Variants in DPP10 observed in about 807,000 individuals in gnomAD.
DPP10 encodes inactive dipeptidyl peptidase 10.
DPP10 carries 33 observed loss-of-function variants against 120.9 expected under a neutral mutation model. The observed-to-expected ratio is 0.27, with a 90% CI of 0.21 to 0.37. DPP10 has a LOEUF of 0.37. Ranked by LOEUF, DPP10 falls within the 10% of genes least tolerant of loss-of-function variation. DPP10 has a pLI of 1.00. For missense variants in DPP10, 816 were observed against 942.8 expected (o/e 0.87, Z 1.76); for synonymous variants, 337 against 326.1 (o/e 1.03, Z -0.36).
rs188138188 is a variant in DPP10, at chr2:115,652,947, C to T, written c.442-36740C>T. On this transcript the variant is annotated intron_variant, in intron 5 of 25. Transcript: ENST00000410059. ...AACTAACCATCACAATTCATTATGG[C>T]AATTTCAAAGAAGGAAAACATTGGC... 5.9e-5 allele frequency among the ~76,000 whole-genome samples: 9 copies of T among 151,990 alleles called. No homozygotes were observed. The East Asian group carries it at 1.5e-3, about 26-fold the overall frequency.
intron 5 of DPP10, among the ~76,000 whole-genome samples, chr2:115,630,180 G>A (rs967977759): frequency 3.9e-5 from 6 of 152,132 alleles, no homozygotes; most frequent in Admixed American, 3.9e-4. Context: ...GTGAATGGGA[G>A]TTCATTTATG....
At chr2:115,754,255 C>T (rs1352181250) in intron 11 of DPP10, among the ~76,000 whole-genome samples, 3 of 152,012 alleles carry the variant, frequency 2.0e-5, no homozygotes, top group African/African-American at 4.8e-5. Context: ...GGACAGGGAC[C>T]AGAGAAGTTG....
intron 1 of DPP10, among the ~76,000 whole-genome samples, chr2:114,592,658 TC>T (rs1558913789): frequency 6.6e-6 from 1 of 151,624 alleles, no homozygotes; most frequent in African/African-American, 2.4e-5. Flanking sequence ...AAATAACTCT[TC>T]CCCCTGAAAA....
intron 1 of DPP10, among the ~76,000 whole-genome samples, chr2:114,679,827 A>G (rs1698906779): frequency 1.3e-5 from 2 of 152,020 alleles, no homozygotes; most frequent in African/African-American, 4.8e-5. Flanking sequence ...TTAAGAATTG[A>G]GATGGCAAAC....
chr2:115,146,262 T>C (rs940916734), intron 1 of DPP10, among the ~76,000 whole-genome samples: 1 of 152,058 alleles, frequency 6.6e-6, no homozygotes, highest in Non-Finnish European at 1.5e-5. Context: ...TTGTAAAATA[T>C]TGCATTAGAA....
At chr2:114,618,622 ATAC>A (rs1006635798) in intron 1 of DPP10, among the ~76,000 whole-genome samples, 1 of 152,040 alleles carries the variant, frequency 6.6e-6, no homozygotes, top group African/African-American at 2.4e-5. Flanking sequence ...TTAAATAATA[ATAC>A]TAATAATAGT....
In DPP10 at chr2:114,797,860, G is replaced by A. The variant is rs542616709; in HGVS notation, c.60+355022G>A. Among the ~76,000 whole-genome samples the A allele has an allele frequency of 5.3e-5, 8 of 152,244 alleles. No homozygotes were observed. The South Asian group carries it at 1.7e-3, about 32-fold the overall frequency. On this transcript the variant is annotated intron_variant, in intron 1 of 25. Transcript: ENST00000410059. ...TAGTGACTCGTTGTCAAAGAATATA[G>A]TAAGAAAGGGGGAGAAAGGGTATTT...
intron 1 of DPP10, among the ~76,000 whole-genome samples, chr2:115,286,541 A>ATATATATATATATATATATAT (rs2060410573): frequency 2.9e-5 from 3 of 102,044 alleles, no homozygotes; most frequent in Non-Finnish European, 6.1e-5. Flanking sequence ...ATATATATAT[A>ATATATATATATATATATATAT]AAATATATAC....
chr2:114,799,425 G>A (rs1684001004), intron 1 of DPP10, among the ~76,000 whole-genome samples: 1 of 152,084 alleles, frequency 6.6e-6, no homozygotes, highest in South Asian at 2.1e-4. Flanking sequence ...ATCACCACCA[G>A]GTGTACAGTA....
intron 1 of DPP10, among the ~76,000 whole-genome samples, chr2:114,926,739 C>G (rs1025698128): frequency 3.9e-5 from 6 of 152,136 alleles, no homozygotes; most frequent in Non-Finnish European, 8.8e-5. Context: ...AACCCTTGAA[C>G]AGCCAGGTCA....
At chr2:114,536,594 A>G (rs964290216) in intron 1 of DPP10, among the ~76,000 whole-genome samples, 45 of 151,406 alleles carry the variant, frequency 3.0e-4, no homozygotes, top group African/African-American at 1.0e-3. Context: ...TTTAGTAGAG[A>G]CAGGTTTTCA....
chr2:114,963,975 A>T (rs1652252683), intron 1 of DPP10, among the ~76,000 whole-genome samples: 1 of 152,188 alleles, frequency 6.6e-6, no homozygotes, highest in Non-Finnish European at 1.5e-5. Flanking sequence ...TTCCATGGGG[A>T]TAGAAGGAGT....
intron 1 of DPP10, among the ~76,000 whole-genome samples, chr2:114,790,754 A>T (rs1443549084): frequency 6.6e-6 from 1 of 152,198 alleles, no homozygotes; most frequent in African/African-American, 2.4e-5. Context: ...GTCATCAGTT[A>T]AGGCAAGGAC....
intron 13 of DPP10, among the ~76,000 whole-genome samples, chr2:115,769,618 A>T (rs531449828): frequency 6.6e-6 from 1 of 152,094 alleles, no homozygotes; most frequent in Non-Finnish European, 1.5e-5. Flanking sequence ...CTAATGTATA[A>T]TGTGATCCTA....
At chr2:115,594,583 T>C (rs1473928532) in intron 5 of DPP10, among the ~76,000 whole-genome samples, 3 of 152,156 alleles carry the variant, frequency 2.0e-5, no homozygotes, top group Non-Finnish European at 4.4e-5. Flanking sequence ...CCAGTGAAAG[T>C]TCTGGAAGTT....
At chr2:115,295,103 C>T (rs1221121716) in intron 1 of DPP10, among the ~76,000 whole-genome samples, 1 of 152,070 alleles carries the variant, frequency 6.6e-6, no homozygotes, top group Non-Finnish European at 1.5e-5. Flanking sequence ...TTATTTTTAA[C>T]TAACGGTACT....
intron 1 of DPP10, among the ~76,000 whole-genome samples, chr2:114,594,940 C>T (rs1691783493): frequency 6.6e-6 from 1 of 151,942 alleles, no homozygotes; most frequent in Admixed American, 6.6e-5. Flanking sequence ...TCTCTGTCTC[C>T]CCCAGCCCCC....
At chr2:115,468,544 A>G (rs528973773) in intron 3 of DPP10, 24 of 427,896 alleles carry the variant, frequency 5.6e-5, no homozygotes, top group African/African-American at 2.4e-4. Flanking sequence ...CCACTCAACA[A>G]AGGAGCTCAC....
At chr2:115,774,297 G>A (rs1575741392) in intron 13 of DPP10, among the ~76,000 whole-genome samples, 3 of 151,710 alleles carry the variant, frequency 2.0e-5, no homozygotes. Context: ...TGGGCCAAAA[G>A]TGTCTCCAGA....
Sources: gnomAD v4.1 joint callset for allele counts (sites outside exome capture counted in the v4.1 genomes callset) on GRCh38, gnomAD v4.1.1 for gene constraint, MANE v1.5 for transcripts, NCBI Gene and HGNC (gene_info 2026-07-23, HGNC 2026-07-21) for gene names.